The following CNNM2 variants were observed in gnomAD, a reference collection of about 807,000 sequenced individuals.
The protein encoded by CNNM2 is metal transporter CNNM2.
Under a neutral mutation model 66.9 loss-of-function variants are expected in CNNM2, and 12 were observed. The ratio of observed to expected loss-of-function variants is 0.18; its 90% CI spans 0.11 to 0.29. The LOEUF (loss-of-function observed/expected upper bound fraction) is 0.29. Among genes scored for constraint, CNNM2 ranks in the 10% least tolerant of loss-of-function variants. The pLI is 1.00. For missense variants in CNNM2, 705 were observed against 1,167.7 expected (o/e 0.60, Z 5.77); for synonymous variants, 557 against 501.8 (o/e 1.11, Z -1.47).
At chr10:102,977,156 G>A (rs2063647437) in intron 1 of CNNM2, among the ~76,000 whole-genome samples, 1 of 152,156 alleles carries the variant, frequency 6.6e-6, no homozygotes, top group African/African-American at 2.4e-5. Flanking sequence ...AGCATCTGAT[G>A]GCCCAATTGT....
intron 1 of CNNM2, among the ~76,000 whole-genome samples, chr10:102,956,763 T>C (rs1025126616): frequency 1.1e-4 from 17 of 151,896 alleles, no homozygotes; most frequent in African/African-American, 3.9e-4. Context: ...AGGTGGGAAT[T>C]GAACAATGAG....
intron 6 of CNNM2, among the ~76,000 whole-genome samples, chr10:103,072,415 A>G (rs577420494): frequency 4.0e-5 from 6 of 149,332 alleles, no homozygotes; most frequent in African/African-American, 4.9e-5. Flanking sequence ...AGGCGGCCCT[A>G]CTTCTCCCCA....
In CNNM2 at chr10:102,921,953, T is replaced by C. The variant is rs10509758; in HGVS notation, c.1621+1852T>C. On this transcript the variant is annotated intron_variant, in intron 1 of 7. Coordinates refer to ENST00000369878, the MANE Select transcript of CNNM2 (RefSeq NM_017649.5). ...TCAAAATTCGTATTATTTTGAAATT[T>C]GTGCTTGATTGACCTTGAACAATTT... Among the ~76,000 whole-genome samples, 16,503 of 152,206 alleles carry C rather than the reference T, an allele frequency of 0.11. 907 individuals are homozygous for C. Among genetic ancestry groups the C allele is most frequent in the Middle Eastern group, 0.18 (52 of 294 alleles).
At chr10:103,026,601 CAAAA>C (rs887780071) in intron 1 of CNNM2, among the ~76,000 whole-genome samples, 10 of 64,910 alleles carry the variant, frequency 1.5e-4, no homozygotes, top group East Asian at 1.4e-3. Context: ...ACCTTGTCTT[CAAAA>C]AAAAAAAAAA....
intron 1 of CNNM2, among the ~76,000 whole-genome samples, chr10:103,023,235 C>T (rs1046769325): frequency 2.6e-5 from 4 of 152,142 alleles, no homozygotes; most frequent in African/African-American, 9.7e-5. Flanking sequence ...ATGATCAGAT[C>T]TTGGGTGAAC....
chr10:103,032,646 A>G (rs2064849738), intron 1 of CNNM2, among the ~76,000 whole-genome samples: 1 of 148,322 alleles, frequency 6.7e-6, no homozygotes, highest in Admixed American at 6.9e-5. Context: ...GCCTTTCATA[A>G]CAATTGATGT....
intron 1 of CNNM2, among the ~76,000 whole-genome samples, chr10:103,037,276 A>T (rs1009910829): frequency 1.3e-5 from 2 of 148,208 alleles, no homozygotes. Flanking sequence ...AAATATATAT[A>T]TTTTATTTTT....
At position 103,080,449 on chromosome 10, in the gene CNNM2, G is replaced by A. The variant is rs985973083; in HGVS notation, c.*3269G>A. ...AAATCTTAAGACTTACACAGATATC[G>A]GGGTGCTAATCAACTGGCTTAAATC... On this transcript the variant is annotated 3_prime_UTR_variant, in exon 8 of 8. Transcript: ENST00000369878. 3.3e-5 allele frequency: 5 copies of A among 152,098 alleles called. No homozygotes were observed. The highest frequency in any genetic ancestry group is 6.5e-5 in the Admixed American group (1 of 15,276). 9.4% of individuals were successfully genotyped at this position (152,098 alleles called of 1,614,324 possible). A position where few individuals can be genotyped will look rare whatever the true frequency, so the allele number is the denominator to read the frequency against.
intron 4 of CNNM2, among the ~76,000 whole-genome samples, chr10:103,058,979 TTTTG>T (rs1005787157): frequency 1.3e-5 from 2 of 152,186 alleles, no homozygotes; most frequent in Non-Finnish European, 2.9e-5. Context: ...TTGTTTTGTT[TTTTG>T]TTTGTTTTGA....
At chr10:102,925,393 A>G (rs886678138) in intron 1 of CNNM2, among the ~76,000 whole-genome samples, 2 of 151,656 alleles carry the variant, frequency 1.3e-5, no homozygotes, top group African/African-American at 4.8e-5. Context: ...GAATTGGGAA[A>G]GAGCTTTTGG....
chr10:103,070,798 C>T (rs908117955), intron 5 of CNNM2, among the ~76,000 whole-genome samples: 9 of 152,132 alleles, frequency 5.9e-5, no homozygotes, highest in Non-Finnish European at 1.0e-4. Context: ...GGCATGGTGG[C>T]ACATGCCTGT....
At chr10:103,033,099 C>G (rs1453345986) in intron 1 of CNNM2, among the ~76,000 whole-genome samples, 4 of 144,720 alleles carry the variant, frequency 2.8e-5, no homozygotes, top group African/African-American at 7.7e-5. Context: ...GCCTGAGTGA[C>G]AGAGTAAGAC....
chr10:102,998,756 T>A (rs534274104), intron 1 of CNNM2, among the ~76,000 whole-genome samples: 5 of 152,078 alleles, frequency 3.3e-5, no homozygotes, highest in Non-Finnish European at 2.9e-5. Flanking sequence ...GCCAGTTGGA[T>A]TGCTTGAGAA....
intron 1 of CNNM2, among the ~76,000 whole-genome samples, chr10:102,963,323 G>A (rs1409892265): frequency 2.6e-5 from 4 of 152,104 alleles, no homozygotes; most frequent in Non-Finnish European, 5.9e-5. Flanking sequence ...TAACTGGAAC[G>A]CACAGTCACA....
chr10:102,993,688 A>G (rs1307846846), intron 1 of CNNM2, among the ~76,000 whole-genome samples: 1 of 151,980 alleles, frequency 6.6e-6, no homozygotes, highest in African/African-American at 2.4e-5. Context: ...CTTTGTTGTT[A>G]ATTTCTTGAC....
At chr10:103,064,410 T>C (rs2134353125) in intron 4 of CNNM2, among the ~76,000 whole-genome samples, 1 of 152,366 alleles carries the variant, frequency 6.6e-6, no homozygotes, top group Admixed American at 6.5e-5. Flanking sequence ...TTGTTTTGTT[T>C]TGAGACAGTG....
At chr10:103,064,356 C>G (rs962038090) in intron 4 of CNNM2, among the ~76,000 whole-genome samples, 2 of 152,038 alleles carry the variant, frequency 1.3e-5, no homozygotes, top group African/African-American at 4.8e-5. Flanking sequence ...AATGTCTGGT[C>G]TTTTATGAAA....
chr10:103,016,469 C>T (rs1366331764), intron 1 of CNNM2, among the ~76,000 whole-genome samples: 2 of 152,140 alleles, frequency 1.3e-5, no homozygotes, highest in Non-Finnish European at 2.9e-5. Flanking sequence ...CAGGTCATGT[C>T]CCTGCCTTCG....
chr10:103,053,209 C>G (rs1172854508), intron 2 of CNNM2, among the ~76,000 whole-genome samples: 2 of 152,156 alleles, frequency 1.3e-5, no homozygotes, highest in Non-Finnish European at 2.9e-5. Flanking sequence ...AGTGTCTTTT[C>G]ACATCTTAAA....
Sources: gnomAD v4.1 joint callset for allele counts (sites outside exome capture counted in the v4.1 genomes callset) on GRCh38, gnomAD v4.1.1 for gene constraint, MANE v1.5 for transcripts, NCBI Gene and HGNC (gene_info 2026-07-23, HGNC 2026-07-21) for gene names.